The following SV2C variants were observed in gnomAD, a reference collection of about 807,000 sequenced individuals.
SV2C encodes synaptic vesicle glycoprotein 2C.
SV2C carries 49 observed loss-of-function variants against 79.7 expected under a neutral mutation model. The ratio of observed to expected loss-of-function variants is 0.61; its 90% CI spans 0.49 to 0.78. The LOEUF (loss-of-function observed/expected upper bound fraction) is 0.78, where lower values mean the gene tolerates loss of function less well. SV2C is among the 30% of genes least tolerant of loss of function. The pLI, the probability that SV2C is intolerant of heterozygous loss-of-function variation, is 0.00. For missense variants in SV2C, 833 were observed against 912.9 expected (o/e 0.91, Z 1.13); for synonymous variants, 334 against 333.2 (o/e 1.00, Z -0.03).
chr5:75,924,869 G>A, the SV2C span, among the ~76,000 whole-genome samples: 1 of 152,092 alleles, frequency 6.6e-6, no homozygotes, highest in African/African-American at 2.4e-5. Context: ...TCCAAATCAA[G>A]ATGGGATATC....
At chr5:75,856,136 G>A in the SV2C span, among the ~76,000 whole-genome samples, 3 of 152,158 alleles carry the variant, frequency 2.0e-5, no homozygotes, top group South Asian at 6.2e-4. Context: ...TTCTTTTTGG[G>A]GCTGAATAGT....
the SV2C span, among the ~76,000 whole-genome samples, chr5:76,050,793 A>G: frequency 3.9e-5 from 6 of 152,222 alleles, no homozygotes; most frequent in Admixed American, 3.3e-4. Flanking sequence ...GAATTGTACC[A>G]AGAAACAGAG....
At chr5:76,106,919 G>A (rs1747936557) in intron 1 of SV2C, among the ~76,000 whole-genome samples, 1 of 152,080 alleles carries the variant, frequency 6.6e-6, no homozygotes, top group South Asian at 2.1e-4. Context: ...CACAAGGCAG[G>A]GTCTTGCTTG....
intron 1 of SV2C, among the ~76,000 whole-genome samples, chr5:76,100,142 T>A (rs1747689735): frequency 6.6e-6 from 1 of 152,034 alleles, no homozygotes; most frequent in Admixed American, 6.5e-5. Flanking sequence ...AATCATGACC[T>A]TTTTTTAGTT....
the SV2C span, among the ~76,000 whole-genome samples, chr5:75,904,095 C>G: frequency 6.6e-6 from 1 of 152,050 alleles, no homozygotes; most frequent in Non-Finnish European, 1.5e-5. Flanking sequence ...AGCTCAAGAC[C>G]AAATATGTGC....
intron 4 of SV2C, among the ~76,000 whole-genome samples, chr5:76,210,183 A>G (rs1337885949): frequency 6.6e-6 from 1 of 152,190 alleles, no homozygotes; most frequent in East Asian, 1.9e-4. Flanking sequence ...CCACTGACCA[A>G]TTCTCCAACA....
chr5:75,930,008 C>G, the SV2C span, among the ~76,000 whole-genome samples: 1 of 152,310 alleles, frequency 6.6e-6, no homozygotes, highest in South Asian at 2.1e-4. Flanking sequence ...TTCCTCTTAG[C>G]TACCAGGAGA....
rs1744911613 is a variant in SV2C at position 76,216,481 on chromosome 5, GT to G, written c.913+6595del. On this transcript the variant is annotated intron_variant, in intron 4 of 12. Transcript: ENST00000502798. ...GCCCTTGCCTCAAAAATCAGTGCCT[GT>G]AAGAGCTGAAAATAGGTATTTAGAG... is the stretch of plus-strand genomic sequence containing the variant. Among the ~76,000 whole-genome samples, 7 of 152,302 alleles carry G rather than the reference GT, an allele frequency of 4.6e-5. No homozygotes were observed. The South Asian group carries it at 1.5e-3, about 32-fold the overall frequency.
At chr5:76,064,657 C>T in the SV2C span, among the ~76,000 whole-genome samples, 161 of 152,152 alleles carry the variant, frequency 1.1e-3, no homozygotes, top group African/African-American at 3.8e-3. Context: ...AAGGAAGGGC[C>T]CCATCGTTTT....
chr5:76,037,531 G>T, the SV2C span, among the ~76,000 whole-genome samples: 4 of 152,278 alleles, frequency 2.6e-5, no homozygotes, highest in East Asian at 1.9e-4. Context: ...TGTCCCTGCT[G>T]GGGGGTGCCT....
the SV2C span, among the ~76,000 whole-genome samples, chr5:75,909,611 G>A: frequency 1.3e-5 from 2 of 152,132 alleles, no homozygotes; most frequent in African/African-American, 2.4e-5. Context: ...TGGTAAAATT[G>A]TTTCTGATTT....
chr5:76,146,788 G>GTT (rs143502248), intron 2 of SV2C, among the ~76,000 whole-genome samples: 3 of 47,534 alleles, frequency 6.3e-5, no homozygotes, highest in East Asian at 8.3e-4. Flanking sequence ...AAAGGAATGA[G>GTT]TTTTTTTTTA....
At chr5:75,970,005 C>G in the SV2C span, among the ~76,000 whole-genome samples, 1 of 152,048 alleles carries the variant, frequency 6.6e-6, no homozygotes, top group African/African-American at 2.4e-5. Flanking sequence ...AACTAGAACT[C>G]AGGATTAAGA....
At chr5:76,160,488 G>A (rs528916625) in intron 2 of SV2C, among the ~76,000 whole-genome samples, 9 of 152,182 alleles carry the variant, frequency 5.9e-5, no homozygotes, top group East Asian at 1.9e-4. Flanking sequence ...AATATTATTC[G>A]CAAAGGATTC....
At chr5:75,941,404 A>T in the SV2C span, among the ~76,000 whole-genome samples, 1 of 152,218 alleles carries the variant, frequency 6.6e-6, no homozygotes, top group Non-Finnish European at 1.5e-5. Context: ...ACATTATAAT[A>T]TAAAGCCCAG....
chr5:76,347,198 G>A (rs1749561050), intron 12 of SV2C, among the ~76,000 whole-genome samples: 1 of 152,194 alleles, frequency 6.6e-6, no homozygotes. Flanking sequence ...TGAGGCAAAG[G>A]ACAGGGCCTT....
the SV2C span, chr5:75,921,116 T>C: frequency 1.2e-6 from 1 of 824,528 alleles, no homozygotes; most frequent in South Asian, 1.6e-5. Flanking sequence ...GTGCACGGAG[T>C]TGGCCTTGCT....
At chr5:76,209,065 T>C (rs536690633) in intron 3 of SV2C, among the ~76,000 whole-genome samples, 6 of 152,330 alleles carry the variant, frequency 3.9e-5, no homozygotes, top group African/African-American at 1.4e-4. Flanking sequence ...AAGGAAGCAT[T>C]ATATTCCATT....
the SV2C span, among the ~76,000 whole-genome samples, chr5:76,076,197 C>T: frequency 1.3e-5 from 2 of 152,024 alleles, no homozygotes; most frequent in South Asian, 2.1e-4. Context: ...AAGGTAAATC[C>T]CTAAATAAAA....
Sources: allele counts gnomAD v4.1 joint callset (sites outside exome capture counted in the v4.1 genomes callset), GRCh38; gene constraint gnomAD v4.1.1; transcripts MANE v1.5; gene names NCBI Gene and HGNC (gene_info 2026-07-23, HGNC 2026-07-21).